Variants in YTHDF2 observed in about 807,000 individuals in gnomAD.
The protein encoded by YTHDF2 is YTH N6-methyladenosine RNA binding protein F2, also known as YTH domain-containing family protein 2.
YTHDF2 carries 2 observed loss-of-function variants against 50.4 expected under a neutral mutation model. The observed-to-expected ratio is 0.04, with a 90% CI of 0.02 to 0.12. YTHDF2 has a LOEUF of 0.12. Among genes scored for constraint, YTHDF2 ranks in the 10% least tolerant of loss-of-function variants. The pLI, the probability that YTHDF2 is intolerant of heterozygous loss-of-function variation, is 1.00. For synonymous variants in YTHDF2, 217 were observed against 255.6 expected (o/e 0.85, Z 1.44); for missense variants, 483 against 722.6 (o/e 0.67, Z 3.80).
chr1:28,763,566 C>T (rs2088166188), intron 4 of YTHDF2, among the ~76,000 whole-genome samples: 1 of 152,176 alleles, frequency 6.6e-6, no homozygotes. Flanking sequence ...AGCGATTCTC[C>T]TGCCTTAGCC....
intron 4 of YTHDF2, among the ~76,000 whole-genome samples, chr1:28,757,789 T>A (rs1291473232): frequency 7.9e-6 from 1 of 126,834 alleles, no homozygotes; most frequent in African/African-American, 2.5e-5. Flanking sequence ...ATCTTGGCAT[T>A]TTTTCTTTTC....
At position 28,743,607 on chromosome 1, in the gene YTHDF2, A is replaced by T. The variant is rs2087812404; in HGVS notation, c.1337A>T (p.Tyr446Phe). ...EHGNKRLDAA[Y>F]RSMNGKGPVY... ...GGTAACAAGAGACTGGATGCTGCTT[A>T]TCGTTCCATGAACGGGAAAGGCCCC... Residue 446 changes from tyrosine (Y) to phenylalanine (F), a missense_variant, in exon 4 of 5, where the codon TAT becomes TTT. Physicochemically the swap from Tyr to Phe is conservative, Grantham distance 22. Coordinates refer to ENST00000373812, the MANE Select transcript of YTHDF2 (RefSeq NM_016258.3). This position sits in a 1 kb window ranked among gnomAD's most constrained non-coding sequence, Gnocchi z 6.9. The T allele has an allele frequency of 6.2e-7, 1 of 1,614,182 alleles. No individual in the cohort carries two copies. Among genetic ancestry groups the T allele is most frequent in the East Asian group, 2.2e-5 (1 of 44,882 alleles).
At chr1:28,767,610 G>A (rs928112944) in intron 4 of YTHDF2, among the ~76,000 whole-genome samples, 2 of 152,026 alleles carry the variant, frequency 1.3e-5, no homozygotes, top group South Asian at 4.1e-4. Flanking sequence ...CCGGGTTCAC[G>A]CCATTCTCCT....
chr1:28,752,293 G>GTTT (rs373717684), intron 4 of YTHDF2, among the ~76,000 whole-genome samples: 82 of 92,698 alleles, frequency 8.8e-4, no homozygotes, highest in African/African-American at 4.8e-3. Context: ...CAGCTGTGGT[G>GTTT]TTTTTGTTGT....
intron 1 of YTHDF2, 136 bp downstream of exon 1, chr1:28,737,283 G>GGCCGGCCGCGCCCGGCGCCTCTCCC: frequency 8.5e-7 from 1 of 1,178,846 alleles, no homozygotes; most frequent in East Asian, 3.0e-5. Context: ...GGGCCTCTCA[G>GGCCGGCCGCGCCCGGCGCCTCTCCC]GCCGGCCGCG....
In YTHDF2 at chr1:28,743,561, A is replaced by G. The variant is rs1445682112; in HGVS notation, c.1291A>G (p.Ile431Val). 2 of 1,614,034 alleles carry G rather than the reference A, an allele frequency of 1.2e-6. No homozygotes were observed. Among genetic ancestry groups the G allele is most frequent in the Non-Finnish European group, 1.7e-6 (2 of 1,180,034 alleles). ...DDIHRSIKYN[I>V]WCSTEHGNKR... Reference sequence around the variant, plus strand: ...TATTCACCGTTCCATTAAGTATAATATTTGGTGCAGCACAGAGCATGGTAA... The same window carrying G: ...TATTCACCGTTCCATTAAGTATAATGTTTGGTGCAGCACAGAGCATGGTAA... Residue 431 changes from isoleucine (I) to valine (V), a missense_variant, in exon 4 of 5, where the codon ATT becomes GTT. Ile to Val is a conservative substitution (Grantham distance 29). Around this residue, in one of 4 missense-constraint regions of YTHDF2, gnomAD observed 59 missense variants for 168.9 expected, o/e 0.35. Coordinates refer to ENST00000373812, the MANE Select transcript of YTHDF2 (RefSeq NM_016258.3). The surrounding 1 kb of genome is among the most constrained non-coding windows in gnomAD (Gnocchi z 6.9).
intron 4 of YTHDF2, among the ~76,000 whole-genome samples, chr1:28,760,854 A>G (rs1415659790): frequency 6.6e-6 from 1 of 152,188 alleles, no homozygotes; most frequent in African/African-American, 2.4e-5. Flanking sequence ...TGCTGGAATT[A>G]CAGGTGTGAA....
intron 2 of YTHDF2, 154 bp downstream of exon 2, chr1:28,737,836 T>G: frequency 1.2e-6 from 1 of 868,694 alleles, no homozygotes; most frequent in Non-Finnish European, 1.7e-6. Flanking sequence ...TTCGGTGTGT[T>G]CTTGCAGCTG....
At chr1:28,747,163 G>C (rs566552683) in intron 4 of YTHDF2, among the ~76,000 whole-genome samples, 12 of 152,316 alleles carry the variant, frequency 7.9e-5, no homozygotes, top group African/African-American at 2.9e-4. Flanking sequence ...AATTGAACTT[G>C]ATATGTAGGT....
intron 4 of YTHDF2, among the ~76,000 whole-genome samples, chr1:28,763,776 T>C (rs2088170721): frequency 6.6e-6 from 1 of 151,260 alleles, no homozygotes; most frequent in Non-Finnish European, 1.5e-5. Flanking sequence ...TTTTTGGGAT[T>C]ATGGGCGTGA....
chr1:28,737,079 G>C lies in YTHDF2; in HGVS notation c.-42G>C. 6.3e-7 allele frequency: 1 copy of C among 1,579,494 alleles called. No individual in the cohort carries two copies. Among genetic ancestry groups the C allele is most frequent in the Non-Finnish European group, 8.6e-7 (1 of 1,164,574 alleles). ...TCATCTGCCGCCGCCGCCGCGCTGAGGAGAGTTCGCCGCCGTCGCCGCCCG... is the reference window on the plus strand; with the variant it reads ...TCATCTGCCGCCGCCGCCGCGCTGACGAGAGTTCGCCGCCGTCGCCGCCCG... On this transcript the variant is annotated 5_prime_UTR_variant, in exon 1 of 5. Coordinates refer to ENST00000373812, the MANE Select transcript of YTHDF2 (RefSeq NM_016258.3).
intron 4 of YTHDF2, among the ~76,000 whole-genome samples, chr1:28,752,530 G>C (rs1231473291): frequency 3.9e-5 from 6 of 152,174 alleles, no homozygotes; most frequent in Non-Finnish European, 8.8e-5. Context: ...CCCTGACCTT[G>C]TGATCTGCCT....
At chr1:28,759,660 A>G (rs1315844141) in intron 4 of YTHDF2, among the ~76,000 whole-genome samples, 3 of 152,208 alleles carry the variant, frequency 2.0e-5, no homozygotes, top group East Asian at 3.8e-4. Flanking sequence ...AAAACACAGT[A>G]TAAAAGATAA....
In YTHDF2 at chr1:28,736,989, G is replaced by T; in HGVS notation, c.-132G>T. ...AGCCTGAGCCGCGCGCTGTGTCTCC[G>T]CTGCGTCCGCCGAGGCCCCCGAGTG... On this transcript the variant is annotated 5_prime_UTR_variant, in exon 1 of 5. Transcript: ENST00000373812. 8.5e-7 allele frequency: 1 copy of T among 1,179,040 alleles called. No individual in the cohort carries two copies. The highest frequency in any genetic ancestry group is 1.2e-6 in the Non-Finnish European group (1 of 841,922). The allele number at this position is 1,179,040 out of a possible 1,614,324, so 73.0% of individuals were successfully genotyped here. A position where few individuals can be genotyped will look rare whatever the true frequency, so the allele number is the denominator to read the frequency against.
rs190982007 is a variant in YTHDF2, at chr1:28,737,847, G to A, written c.52+165G>A. 468 of 786,880 alleles carry A rather than the reference G, an allele frequency of 5.9e-4. 2 individuals carry two copies. In the African/African-American group the frequency reaches 7.6e-3, roughly 13 times the overall value. The allele number at this position is 786,880 out of a possible 1,614,324, so 48.7% of individuals were successfully genotyped here. A position where few individuals can be genotyped will look rare whatever the true frequency, so the allele number is the denominator to read the frequency against. On this transcript the variant is annotated intron_variant, in intron 2 of 4. Transcript: ENST00000373812. ...CCCTTTCGGTGTGTTCTTGCAGCTG[G>A]CGAACAGCTTTTTCGCTAACAAGGA...
intron 4 of YTHDF2, among the ~76,000 whole-genome samples, chr1:28,767,730 G>A (rs1426572417): frequency 1.3e-5 from 2 of 150,142 alleles, no homozygotes; most frequent in Non-Finnish European, 1.5e-5. Flanking sequence ...GGATGGTCTC[G>A]ATCTCCTGAC....
chr1:28,760,649 C>T (rs1027857111), intron 4 of YTHDF2, among the ~76,000 whole-genome samples: 6 of 151,626 alleles, frequency 4.0e-5, no homozygotes, highest in African/African-American at 1.5e-4. Context: ...GTGATTTTGG[C>T]TGCTTACTGC....
At chr1:28,748,900 TC>T (rs1198826162) in intron 4 of YTHDF2, among the ~76,000 whole-genome samples, 2 of 152,208 alleles carry the variant, frequency 1.3e-5, no homozygotes, top group African/African-American at 2.4e-5. Flanking sequence ...TTTTATTTTT[TC>T]TAATTAAAAT....
At chr1:28,737,897 A>T in intron 2 of YTHDF2, 1 of 609,708 alleles carries the variant, frequency 1.6e-6, no homozygotes, top group Non-Finnish European at 2.9e-6. Flanking sequence ...GTGGGGGTGG[A>T]TTGGGTTTTG....
Sources: allele counts gnomAD v4.1 joint callset (sites outside exome capture counted in the v4.1 genomes callset), GRCh38; gene constraint gnomAD v4.1.1; regional missense constraint gnomAD v4.1.1; non-coding constraint Gnocchi (gnomAD v3.1); transcripts MANE v1.5; gene names NCBI Gene and HGNC (gene_info 2026-07-23, HGNC 2026-07-21).